The following SDK1 variants were observed in gnomAD, a reference collection of about 807,000 sequenced individuals.
The protein encoded by SDK1 is sidekick cell adhesion molecule 1, also known as protein sidekick-1.
SDK1 carries 157 observed loss-of-function variants against 245.5 expected under a neutral mutation model. The observed-to-expected ratio is 0.64, with a 90% CI of 0.56 to 0.73. The LOEUF (loss-of-function observed/expected upper bound fraction) is 0.73, where lower values mean the gene tolerates loss of function less well. Among genes scored for constraint, SDK1 ranks in the 30% least tolerant of loss-of-function variants. The pLI is 0.00. For synonymous variants in SDK1, 1,647 were observed against 1,278.5 expected (o/e 1.29, Z -6.15); for missense variants, 3,583 against 3,002.3 (o/e 1.19, Z -4.52).
intron 17 of SDK1, among the ~76,000 whole-genome samples, chr7:4,027,505 G>C (rs1346674771): frequency 6.6e-6 from 1 of 152,162 alleles, no homozygotes; most frequent in African/African-American, 2.4e-5. Context: ...CCTGGCCCAG[G>C]AGGGCCTATG....
At chr7:3,492,982 G>C (rs1230388854) in intron 1 of SDK1, among the ~76,000 whole-genome samples, 1 of 152,034 alleles carries the variant, frequency 6.6e-6, no homozygotes, top group African/African-American at 2.4e-5. Context: ...ACGGAGTCTT[G>C]CTCTCTCGCC....
intron 1 of SDK1, among the ~76,000 whole-genome samples, chr7:3,444,911 A>G (rs1780301059): frequency 6.6e-6 from 1 of 152,356 alleles, no homozygotes; most frequent in South Asian, 2.1e-4. Context: ...TGTGATGTAG[A>G]GTAATAAGAT....
At chr7:4,177,766 C>T (rs573566445) in intron 34 of SDK1, among the ~76,000 whole-genome samples, 4 of 152,182 alleles carry the variant, frequency 2.6e-5, no homozygotes, top group Non-Finnish European at 1.5e-5. Flanking sequence ...ATTATTAGTA[C>T]ATCATAATAT....
chr7:4,078,398 A>T (rs368445266), intron 21 of SDK1, among the ~76,000 whole-genome samples: 1 of 152,210 alleles, frequency 6.6e-6, no homozygotes, highest in Non-Finnish European at 1.5e-5. Context: ...TTGTCCTTCA[A>T]TTTAAACATT....
chr7:3,757,930 G>A (rs1779983397), intron 4 of SDK1, among the ~76,000 whole-genome samples: 1 of 152,130 alleles, frequency 6.6e-6, no homozygotes, highest in Admixed American at 6.5e-5. Context: ...GCCAAGAGTT[G>A]CCTTGTTAGA....
intron 1 of SDK1, among the ~76,000 whole-genome samples, chr7:3,444,361 C>T (rs952025897): frequency 2.0e-5 from 3 of 152,048 alleles, no homozygotes; most frequent in African/African-American, 7.2e-5. Context: ...TTTTCCTTTC[C>T]CCAAATTATT....
At chr7:3,441,449 G>C (rs1422935817) in intron 1 of SDK1, among the ~76,000 whole-genome samples, 2 of 152,026 alleles carry the variant, frequency 1.3e-5, no homozygotes, top group African/African-American at 4.8e-5. Flanking sequence ...AATTGTTCCA[G>C]CACCATTTGT....
chr7:3,347,380 T>A (rs1454684614), intron 1 of SDK1, among the ~76,000 whole-genome samples: 1 of 152,134 alleles, frequency 6.6e-6, no homozygotes, highest in Non-Finnish European at 1.5e-5. Flanking sequence ...CAGTTGGAGA[T>A]CTGGTGATGT....
At chr7:3,609,998 G>A (rs1390446887) in intron 1 of SDK1, among the ~76,000 whole-genome samples, 1 of 152,190 alleles carries the variant, frequency 6.6e-6, no homozygotes, top group Non-Finnish European at 1.5e-5. Flanking sequence ...ATCATACCTG[G>A]CATAGAGCTG....
At chr7:3,388,074 C>T (rs1021205732) in intron 1 of SDK1, among the ~76,000 whole-genome samples, 1 of 152,284 alleles carries the variant, frequency 6.6e-6, no homozygotes. Flanking sequence ...ATAGAAGGCA[C>T]TCTGGGAATC....
intron 1 of SDK1, among the ~76,000 whole-genome samples, chr7:3,459,084 A>G (rs1780756613): frequency 6.6e-6 from 1 of 152,178 alleles, no homozygotes; most frequent in Admixed American, 6.5e-5. Flanking sequence ...AAATCTATAG[A>G]TTGACCTGGG....
rs971087095 is a variant in SDK1 at position 3,301,585 on chromosome 7, G to T, written c.-2G>T. On this transcript the variant is annotated 5_prime_UTR_variant, in exon 1 of 45. Coordinates refer to ENST00000404826, the MANE Select transcript of SDK1 (RefSeq NM_152744.4). ...CGGCGCTCGGGGTGGCGGCTGCTCGGCATGGCCCGGGGCGCCCGGCCCTCG... is the reference window on the plus strand; with the variant it reads ...CGGCGCTCGGGGTGGCGGCTGCTCGTCATGGCCCGGGGCGCCCGGCCCTCG... The T allele has an allele frequency of 6.2e-6, 6 of 965,858 alleles. No homozygotes were observed. The highest frequency in any genetic ancestry group is 7.4e-6 in the Non-Finnish European group (6 of 815,962). 59.8% of individuals were successfully genotyped at this position (965,858 alleles called of 1,614,324 possible). A position where few individuals can be genotyped will look rare whatever the true frequency, so the allele number is the denominator to read the frequency against.
intron 5 of SDK1, among the ~76,000 whole-genome samples, chr7:3,899,840 G>A (rs1448546940): frequency 6.6e-6 from 1 of 152,198 alleles, no homozygotes; most frequent in Non-Finnish European, 1.5e-5. Flanking sequence ...GCCACCCCAG[G>A]CACACTGAGA....
At position 4,178,521 on chromosome 7, in the gene SDK1, C is replaced by T; in HGVS notation, c.5033C>T (p.Thr1678Ile). ...TACCGGCGCTATGAAGTAATAATGA[C>T]CGCCTATAACATCATCGGCGAGAGC... is the stretch of plus-strand genomic sequence containing the variant. ...KKYRRYEVIM[T>I]AYNIIGESPA... The change falls in exon 35 of 45, where the codon ACC (threonine) becomes ATC (isoleucine). Residue 1678 changes from threonine to isoleucine, a missense_variant. Physicochemically the swap from Thr to Ile is moderately conservative, Grantham distance 89. Transcript: ENST00000404826. The T allele has an allele frequency of 6.2e-7, 1 of 1,613,888 alleles. No homozygotes were observed. Among genetic ancestry groups the T allele is most frequent in the Non-Finnish European group, 8.5e-7 (1 of 1,179,846 alleles).
At chr7:3,393,735 A>T (rs1781821177) in intron 1 of SDK1, among the ~76,000 whole-genome samples, 1 of 152,082 alleles carries the variant, frequency 6.6e-6, no homozygotes, top group African/African-American at 2.4e-5. Flanking sequence ...ATCTGATAGT[A>T]TTCTGAATTT....
intron 35 of SDK1, among the ~76,000 whole-genome samples, chr7:4,196,860 C>T (rs371335563): frequency 8.6e-4 from 131 of 152,326 alleles, no homozygotes; most frequent in African/African-American, 3.0e-3. Context: ...TGGATGTTGA[C>T]TCTTGGCTAA....
At chr7:3,612,857 C>G (rs1029546739) in intron 1 of SDK1, among the ~76,000 whole-genome samples, 5 of 152,192 alleles carry the variant, frequency 3.3e-5, no homozygotes, top group African/African-American at 1.2e-4. Flanking sequence ...CTTAATACAG[C>G]TCATCGTCAC....
chr7:4,047,760 T>C (rs1247034402), intron 17 of SDK1, among the ~76,000 whole-genome samples: 5 of 152,234 alleles, frequency 3.3e-5, no homozygotes, highest in African/African-American at 1.2e-4. Flanking sequence ...TTCCTTGTGT[T>C]TCCGACCACC....
intron 19 of SDK1, among the ~76,000 whole-genome samples, chr7:4,062,476 A>G (rs895812996): frequency 6.6e-6 from 1 of 152,186 alleles, no homozygotes; most frequent in Non-Finnish European, 1.5e-5. Context: ...AACTCTCCCA[A>G]CAAAGAAAAA....
Sources: allele counts gnomAD v4.1 joint callset (sites outside exome capture counted in the v4.1 genomes callset), GRCh38; gene constraint gnomAD v4.1.1; transcripts MANE v1.5; gene names NCBI Gene and HGNC (gene_info 2026-07-23, HGNC 2026-07-21).